The following SAMD5 variants were observed in gnomAD, a reference collection of about 807,000 sequenced individuals.
SAMD5 encodes sterile alpha motif domain-containing protein 5.
Under a neutral mutation model 11.3 loss-of-function variants are expected in SAMD5, and 13 were observed. The ratio of observed to expected loss-of-function variants is 1.15; its 90% CI spans 0.75 to 1.83. The LOEUF is 1.83. SAMD5 is among the 40% of genes most tolerant of loss of function. The probability of loss-of-function intolerance (pLI) is 0.00; values close to 1 mark genes in which losing one functional copy is unlikely to be tolerated. For synonymous variants in SAMD5, 129 were observed against 111.3 expected (o/e 1.16, Z -1.00); for missense variants, 255 against 239.1 (o/e 1.07, Z -0.44).
chr6:147,826,863 G>C, the SAMD5 span, among the ~76,000 whole-genome samples: 2 of 152,160 alleles, frequency 1.3e-5, no homozygotes, highest in Non-Finnish European at 2.9e-5. Flanking sequence ...AGGTAGGCTA[G>C]CATGTCACTG....
the SAMD5 span, among the ~76,000 whole-genome samples, chr6:147,872,112 G>A: frequency 1.3e-5 from 2 of 152,082 alleles, no homozygotes; most frequent in Non-Finnish European, 2.9e-5. Context: ...TAGTGGTAGT[G>A]GTAGTATTAT....
Position 147,566,275 on chromosome 6 carries a change from T to C in SAMD5, c.*1819T>C. 1 of 979,928 alleles carries C rather than the reference T, an allele frequency of 1.0e-6. No homozygotes were observed. Among genetic ancestry groups the C allele is most frequent in the Non-Finnish European group, 1.2e-6 (1 of 824,846 alleles). 60.7% of individuals were successfully genotyped at this position (979,928 alleles called of 1,614,324 possible). A position where few individuals can be genotyped will look rare whatever the true frequency, so the allele number is the denominator to read the frequency against. On this transcript the variant is annotated 3_prime_UTR_variant, in exon 2 of 2. Transcript: ENST00000367474. ...TAGTTTCATCAGGATTATATTCCAGTTAACCTTTCATCTTTTTTTTTTTTC... is the reference window on the plus strand; with the variant it reads ...TAGTTTCATCAGGATTATATTCCAGCTAACCTTTCATCTTTTTTTTTTTTC...
the SAMD5 span, among the ~76,000 whole-genome samples, chr6:147,925,049 G>A: frequency 6.6e-6 from 1 of 152,152 alleles, no homozygotes; most frequent in Non-Finnish European, 1.5e-5. Flanking sequence ...CCACTTGGCA[G>A]GGAATAAAGT....
At chr6:147,866,314 A>T in the SAMD5 span, among the ~76,000 whole-genome samples, 1 of 152,210 alleles carries the variant, frequency 6.6e-6, no homozygotes, top group Admixed American at 6.5e-5. Flanking sequence ...GCTTCATTAC[A>T]TGGGAAGGAT....
At chr6:147,701,574 C>CAGTGAGCCAAGATTGTGCCTCACTGCA (rs1449494394) in intron 1 of SAMD5, among the ~76,000 whole-genome samples, 26 of 150,344 alleles carry the variant, frequency 1.7e-4, no homozygotes, top group Non-Finnish European at 3.5e-4. Flanking sequence ...GTGGAGGTTG[C>CAGTGAGCCAAGATTGTGCCTCACTGCA]AGTGAGCCAA....
At position 147,568,300 on chromosome 6, in the gene SAMD5, T is replaced by G. The variant is rs1789077047; in HGVS notation, c.*3844T>G. The stretch of plus-strand genomic sequence containing the variant: ...ATATGAGCATGTCTGAATTTTTCCC[T>G]TATAAGAGCCTGAGTATTGTAACAG... On this transcript the variant is annotated 3_prime_UTR_variant, in exon 2 of 2. Transcript: ENST00000367474. 1 of 985,170 alleles carries G rather than the reference T, an allele frequency of 1.0e-6. No homozygotes were observed. Among genetic ancestry groups the G allele is most frequent in the South Asian group, 4.7e-5 (1 of 21,286 alleles). The allele number at this position is 985,170 out of a possible 1,614,324, so 61.0% of individuals were successfully genotyped here. A position where few individuals can be genotyped will look rare whatever the true frequency, so the allele number is the denominator to read the frequency against.
chr6:147,665,206 A>G (rs1423071700), intron 1 of SAMD5, among the ~76,000 whole-genome samples: 1 of 152,236 alleles, frequency 6.6e-6, no homozygotes, highest in Non-Finnish European at 1.5e-5. Context: ...ATGATTCTAC[A>G]GGGTGCTTCT....
the SAMD5 span, among the ~76,000 whole-genome samples, chr6:147,838,619 A>C: frequency 7.1e-6 from 1 of 141,658 alleles, no homozygotes; most frequent in Non-Finnish European, 1.5e-5. Flanking sequence ...AATTTTTCTG[A>C]GTTAGTTCAG....
At chr6:147,914,645 A>C in the SAMD5 span, among the ~76,000 whole-genome samples, 1 of 152,246 alleles carries the variant, frequency 6.6e-6, no homozygotes, top group South Asian at 2.1e-4. Flanking sequence ...TGTAGGGGAA[A>C]ATTTTGGTGC....
chr6:147,859,055 G>A, the SAMD5 span, among the ~76,000 whole-genome samples: 24,673 of 152,104 alleles, frequency 0.16, 3,772 homozygotes, highest in African/African-American at 0.41. Context: ...AGGGGCCAGG[G>A]AGGACCTCAC....
the SAMD5 span, among the ~76,000 whole-genome samples, chr6:147,830,220 C>CCCAAT: frequency 4.0e-5 from 6 of 150,688 alleles, no homozygotes; most frequent in African/African-American, 1.5e-4. Context: ...TCTACTCCCT[C>CCCAAT]CCAATAAGCT....
At chr6:147,614,507 A>T (rs1789837031) in intron 1 of SAMD5, among the ~76,000 whole-genome samples, 1 of 151,916 alleles carries the variant, frequency 6.6e-6, no homozygotes, top group Non-Finnish European at 1.5e-5. Context: ...CCAGCAAATG[A>T]TTGATACATG....
rs74827349 is a variant in SAMD5 at position 147,607,087 on chromosome 6, A to T, written c.162+97700A>T. 7.0e-3 allele frequency among the ~76,000 whole-genome samples: 1,070 copies of T among 152,264 alleles called. 10 individuals carry two copies. The highest frequency in any genetic ancestry group is 0.024 in the African/African-American group (999 of 41,534). On this transcript the variant is annotated intron_variant, in intron 1 of 1. Coordinates refer to the SAMD5 transcript ENST00000566741. ...GTGGCTTGCAACCATGCTGGACATT[A>T]TAGTCATCTGATGAGCCTTAAAAAA...
rs150154137 is a variant in SAMD5, at chr6:147,516,532, T to A, written c.459+7145T>A. 2.8e-4 allele frequency among the ~76,000 whole-genome samples: 42 copies of A among 152,346 alleles called. 2 individuals are homozygous for A. The East Asian group carries it at 7.7e-3, about 28-fold the overall frequency. ...CATGAACTTATTAGATCGACGTCTC[T>A]ATGTATCCTAGAACTGCCATAAAAA... On this transcript the variant is annotated intron_variant, in intron 1 of 1. Coordinates refer to ENST00000367474, the MANE Select transcript of SAMD5 (RefSeq NM_001030060.3).
At chr6:147,651,652 A>G (rs1450419030) in intron 1 of SAMD5, among the ~76,000 whole-genome samples, 1 of 152,172 alleles carries the variant, frequency 6.6e-6, no homozygotes, top group Non-Finnish European at 1.5e-5. Flanking sequence ...CTGATCTCTG[A>G]TTCCCCAGCC....
the SAMD5 span, among the ~76,000 whole-genome samples, chr6:147,816,301 A>AAAAATATATAT: frequency 3.6e-4 from 24 of 66,346 alleles, 1 homozygote; most frequent in African/African-American, 1.8e-3. Flanking sequence ...AAAAAAAAAA[A>AAAAATATATAT]ATATATATAT....
At chr6:147,774,670 A>G in the SAMD5 span, among the ~76,000 whole-genome samples, 4 of 152,020 alleles carry the variant, frequency 2.6e-5, no homozygotes, top group Non-Finnish European at 4.4e-5. Flanking sequence ...GTTGTAGAAG[A>G]GTGGAGGGAT....
chr6:147,698,350 TGA>T (rs2128457574), intron 1 of SAMD5, among the ~76,000 whole-genome samples: 1 of 152,290 alleles, frequency 6.6e-6, no homozygotes, highest in Non-Finnish European at 1.5e-5. Flanking sequence ...TTCCAGTGTG[TGA>T]GTTTTGCCAA....
the SAMD5 span, among the ~76,000 whole-genome samples, chr6:147,901,237 G>T: frequency 6.6e-6 from 1 of 152,068 alleles, no homozygotes; most frequent in Non-Finnish European, 1.5e-5. Context: ...GTACCTACTT[G>T]GTAAATGTTA....
Sources: gnomAD v4.1 joint callset for allele counts (sites outside exome capture counted in the v4.1 genomes callset) on GRCh38, gnomAD v4.1.1 for gene constraint, MANE v1.5 for transcripts, NCBI Gene and HGNC (gene_info 2026-07-23, HGNC 2026-07-21) for gene names.